The following ZNF106 variants were observed in gnomAD, a reference collection of about 807,000 sequenced individuals.
The protein encoded by ZNF106 is SH3-domain binding protein 3.
ZNF106 carries 67 observed loss-of-function variants against 195.1 expected under a neutral mutation model. The observed-to-expected ratio is 0.34, with a 90% CI of 0.28 to 0.42. ZNF106 has a LOEUF of 0.42. Among genes scored for constraint, ZNF106 ranks in the 10% least tolerant of loss-of-function variants. ZNF106 has a pLI of 1.00. For synonymous variants in ZNF106, 784 were observed against 818.6 expected (o/e 0.96, Z 0.72); for missense variants, 2,118 against 2,304.5 (o/e 0.92, Z 1.66).
Position 42,439,187 on chromosome 15 carries a change from A to T in ZNF106, c.4390T>A (p.Ser1464Thr). The change falls in exon 11 of 22, where the codon TCA becomes ACA. Residue 1464 changes from serine to threonine, a missense_variant. By Grantham distance (58) the Ser-to-Thr change is moderately conservative. Coordinates refer to ENST00000564754, the MANE Select transcript of ZNF106 (RefSeq NM_001366845.3). ...PQLEVVAIDS[S>T]ESGEEKPDSP... ...TCTGGTTTCTCTTCTCCTGATTCTG[A>T]AGAATCAATGGCTACTACTTCTAAC... 1 of 1,614,080 alleles carries T rather than the reference A, an allele frequency of 6.2e-7. No individual in the cohort carries two copies. Among genetic ancestry groups the T allele is most frequent in the Non-Finnish European group, 8.5e-7 (1 of 1,180,024 alleles).
chr15:42,451,630 T>G lies in ZNF106; in HGVS notation c.642A>C (p.Ala214=), dbSNP rs771151994. Residue 214 remains alanine (A), a synonymous_variant, in exon 5 of 22, where the codon GCA becomes GCC. Coordinates refer to ENST00000564754, the MANE Select transcript of ZNF106 (RefSeq NM_001366845.3). The part of the protein sequence containing the change: ...SGGGWLSNSG[A]VDWNHNGTGR... ...CTGTACCATTATGATTCCAATCTAC[T>G]GCTCCACTATTTGAAAGCCAACCAC... 1.9e-6 allele frequency: 3 copies of G among 1,614,222 alleles called. No homozygotes were observed. In the Admixed American group the frequency reaches 5.0e-5, roughly 27 times the overall value.
chr15:42,424,793 A>G, intron 16 of ZNF106, 41 bp downstream of exon 16: 2 of 1,587,664 alleles, frequency 1.3e-6, no homozygotes, highest in South Asian at 2.3e-5. Flanking sequence ...AAACCCTTCT[A>G]TTTGTGCCAG....
At chr15:42,452,811 G>A (rs1441793742) in intron 4 of ZNF106, among the ~76,000 whole-genome samples, 1 of 147,874 alleles carries the variant, frequency 6.8e-6, no homozygotes, top group Admixed American at 6.9e-5. Context: ...TCAGACTCCC[G>A]ACTAGCTGGG....
At position 42,442,428 on chromosome 15, in the gene ZNF106, C is replaced by T. The variant is rs1381601668; in HGVS notation, c.3422-14G>A. The T allele has an allele frequency of 6.3e-7, 1 of 1,577,086 alleles. No homozygotes were observed. The highest frequency in any genetic ancestry group is 8.6e-7 in the Non-Finnish European group (1 of 1,159,248). On this transcript the variant is annotated splice_polypyrimidine_tract_variant and intron_variant, in intron 9 of 21. Coordinates refer to ENST00000564754, the MANE Select transcript of ZNF106 (RefSeq NM_001366845.3). ...GTTCATATGTTTCTAGAATGGGAAA[C>T]ATACATACATAGAAATGCAAAAATG...
chr15:42,481,334 TTC>T (rs1263161661), intron 1 of ZNF106, among the ~76,000 whole-genome samples: 2 of 150,556 alleles, frequency 1.3e-5, no homozygotes, highest in Non-Finnish European at 3.0e-5. Flanking sequence ...TTATTTCATA[TTC>T]TTTCTGTTTT....
intron 1 of ZNF106, among the ~76,000 whole-genome samples, chr15:42,482,365 T>A (rs940900235): frequency 1.1e-4 from 16 of 152,182 alleles, no homozygotes; most frequent in Non-Finnish European, 2.2e-4. Flanking sequence ...TTGGAATATA[T>A]CCTGGATATT....
Position 42,421,148 on chromosome 15 carries a change from T to G in ZNF106, c.5446-16A>C. On this transcript the variant is annotated splice_polypyrimidine_tract_variant and intron_variant, in intron 19 of 21. Coordinates refer to ENST00000564754, the MANE Select transcript of ZNF106 (RefSeq NM_001366845.3). ...CAGTGTAAATCTGGAGAAAGAGAGG[T>G]TTATAATATCAGACCAAAATACATA... 1 of 1,612,768 alleles carries G rather than the reference T, an allele frequency of 6.2e-7. No individual in the cohort carries two copies. The highest frequency in any genetic ancestry group is 1.1e-5 in the South Asian group (1 of 91,034).
At position 42,451,566 on chromosome 15, in the gene ZNF106, A is replaced by C. The variant is rs201188329; in HGVS notation, c.706T>G (p.Phe236Val). The C allele has an allele frequency of 2.3e-5, 37 of 1,614,058 alleles. No homozygotes were observed. In the Middle Eastern group the frequency reaches 3.6e-3, roughly 158 times the overall value. ...SSWLSEGTGG[F>V]SSWHMNNSNG... ...CTGTTGTTCATATGCCAACTGGAAAAGCCACCTGTTCCTTCAGAAAGCCAA... is the reference window on the plus strand; with the variant it reads ...CTGTTGTTCATATGCCAACTGGAAACGCCACCTGTTCCTTCAGAAAGCCAA... The change falls in exon 5 of 22, where the codon TTT becomes GTT. Residue 236 changes from phenylalanine to valine, a missense_variant. Transcript: ENST00000564754.
rs777898165 is a variant in ZNF106 at position 42,437,346 on chromosome 15, T to C, written c.4632A>G (p.Glu1544=). The C allele has an allele frequency of 6.3e-5, 102 of 1,613,958 alleles. No individual in the cohort carries two copies. The highest frequency in any genetic ancestry group is 8.2e-5 in the Non-Finnish European group (97 of 1,180,012). Residue 1544 remains glutamate (E), a synonymous_variant, in exon 13 of 22, where the codon GAA becomes GAG. Transcript: ENST00000564754. ...EISSEPGDDD[E]PTEGSFEGHQ... is the part of the protein sequence containing the mutation. Reference sequence around the variant, plus strand: ...GTCCCTCAAAGCTTCCTTCTGTGGGTTCATCATCATCTCCTGGCTCTGAAG... The same window carrying C: ...GTCCCTCAAAGCTTCCTTCTGTGGGCTCATCATCATCTCCTGGCTCTGAAG...
At position 42,434,655 on chromosome 15, in the gene ZNF106, T is replaced by C. The variant is rs557238391; in HGVS notation, c.4881+729A>G. 2.0e-5 allele frequency among the ~76,000 whole-genome samples: 3 copies of C among 152,324 alleles called. No individual in the cohort carries two copies. In the East Asian group the frequency reaches 5.8e-4, roughly 29 times the overall value. On this transcript the variant is annotated intron_variant, in intron 14 of 21. Transcript: ENST00000564754. ...TTAAAGAAATTAAAAACATATTGTA[T>C]ATAATTTTAAATGTAATTTTCTCAT...
In ZNF106 at chr15:42,464,113, G is replaced by A. The variant is rs191727986; in HGVS notation, c.116+1940C>T. Among the ~76,000 whole-genome samples, 136 of 147,692 alleles carry A rather than the reference G, an allele frequency of 9.2e-4. 1 individual carries two copies. The highest frequency in any genetic ancestry group is 3.1e-3 in the African/African-American group (126 of 41,272). ...TCCCAGCACTTTGGGAGGCCGAGGC[G>A]GGCAGATCACAAGGTCAGGAGTTCA... is the stretch of plus-strand genomic sequence containing the variant. On this transcript the variant is annotated intron_variant, in intron 3 of 21. Transcript: ENST00000564754.
At chr15:42,437,102 A>C in intron 13 of ZNF106, 130 bp downstream of exon 13, 1 of 939,060 alleles carries the variant, frequency 1.1e-6, no homozygotes, top group Non-Finnish European at 1.6e-6. Context: ...GATTAAATGC[A>C]TCTAAAGTCA....
chr15:42,462,323 C>T (rs1222161444), intron 3 of ZNF106, among the ~76,000 whole-genome samples: 3 of 152,226 alleles, frequency 2.0e-5, no homozygotes, highest in East Asian at 3.9e-4. Context: ...ATAGGCCAGG[C>T]GCGGTGGCTC....
Position 42,414,396 on chromosome 15 carries a change from TA to T in ZNF106, c.*2907del, listed in dbSNP as rs1347149087. 6.6e-6 allele frequency: 1 copy of T among 152,246 alleles called. No individual in the cohort carries two copies. Among genetic ancestry groups the T allele is most frequent in the Non-Finnish European group, 1.5e-5 (1 of 68,050 alleles). 9.4% of individuals were successfully genotyped at this position (152,246 alleles called of 1,614,324 possible). ...TTGGGGTAACACACTAATCTGGTGT[TA>T]AAAGAATTTCATGTGTTCTTGAAAC... On this transcript the variant is annotated 3_prime_UTR_variant, in exon 22 of 22. Transcript: ENST00000564754.
In ZNF106 at chr15:42,448,273, C is replaced by G. The variant is rs1567014766; in HGVS notation, c.2934G>C (p.Leu978Phe). Residue 978 changes from leucine (L) to phenylalanine (F), a missense_variant, in exon 6 of 22, where the codon TTG (leucine) becomes TTC (phenylalanine). Leu to Phe is a conservative substitution (Grantham distance 22). Coordinates refer to ENST00000564754, the MANE Select transcript of ZNF106 (RefSeq NM_001366845.3). Reference protein sequence around the residue: ...IIPLMHLAKDLNSQERSIPPS... With the variant: ...IIPLMHLAKDFNSQERSIPPS... ...GTGGTATAGACCTCTCCTGGCTGTT[C>G]AAGTCTTTTGCCAAATGCATCAAAG... 2.5e-6 allele frequency: 4 copies of G among 1,614,190 alleles called. No homozygotes were observed. Among genetic ancestry groups the G allele is most frequent in the Non-Finnish European group, 2.5e-6 (3 of 1,180,034 alleles).
chr15:42,424,370 T>C lies in ZNF106; in HGVS notation c.5191-310A>G, dbSNP rs895819618. ...TCATTGTTTCTCAAATGAAAGTGCA[T>C]CACTTGGTGATGTTGGTGTAAAGAA... On this transcript the variant is annotated intron_variant, in intron 16 of 21. Transcript: ENST00000564754. The C allele has an allele frequency of 1.5e-4, 51 of 331,576 alleles. No individual in the cohort carries two copies. In the Admixed American group the frequency reaches 2.2e-3, roughly 14 times the overall value. The allele number at this position is 331,576 out of a possible 1,614,324, so 20.5% of individuals were successfully genotyped here.
At chr15:42,459,973 G>A (rs893150928) in intron 3 of ZNF106, among the ~76,000 whole-genome samples, 2 of 151,738 alleles carry the variant, frequency 1.3e-5, no homozygotes, top group Admixed American at 6.6e-5. Flanking sequence ...AACCTGGGAG[G>A]TGGAGGTTGC....
intron 12 of ZNF106, 137 bp from the exon 13 acceptor site, chr15:42,437,514 G>T: frequency 1.0e-6 from 1 of 994,362 alleles, no homozygotes; most frequent in South Asian, 1.9e-5. Flanking sequence ...TCCCCTATCA[G>T]ACTACTACAA....
chr15:42,442,025 CCA>C, intron 10 of ZNF106, 46 bp downstream of exon 10: 1 of 1,468,212 alleles, frequency 6.8e-7, no homozygotes, highest in Non-Finnish European at 9.2e-7. Context: ...TAAAAATGCC[CCA>C]GTCTCACTAC....
Sources: allele counts gnomAD v4.1 joint callset (sites outside exome capture counted in the v4.1 genomes callset), GRCh38; gene constraint gnomAD v4.1.1; transcripts MANE v1.5; gene names NCBI Gene and HGNC (gene_info 2026-07-23, HGNC 2026-07-21).